Variants in OTOGL observed in about 807,000 individuals in gnomAD.
The protein encoded by OTOGL is otogelin like, also known as otogelin-like protein.
In OTOGL, 285 loss-of-function variants were observed where a neutral mutation model predicts 318.5. The observed-to-expected ratio is 0.89, with a 90% confidence interval of 0.81 to 0.99. The LOEUF is 0.99. OTOGL is among the 50% of genes least tolerant of loss of function. The probability of loss-of-function intolerance (pLI) is 0.00; values close to 1 mark genes in which losing one functional copy is unlikely to be tolerated. For missense variants in OTOGL, 2,899 were observed against 2,845.6 expected, an observed-to-expected ratio of 1.02 and a Z score of -0.43; for synonymous variants, 987 against 936.5, an observed-to-expected ratio of 1.05 and a Z score of -0.99.
chr12:80,225,801 A>AT (rs1459096934), intron 7 of OTOGL, among the ~76,000 whole-genome samples: 1 of 152,058 alleles, frequency 6.6e-6, no homozygotes, highest in Non-Finnish European at 1.5e-5. Context: ...GGAAATTTAG[A>AT]TTTTTTTAAA....
chr12:80,132,153 T>C (rs1592479172), intron 1 of OTOGL: 1 of 152,252 alleles, frequency 6.6e-6, no homozygotes, highest in Admixed American at 6.5e-5. Flanking sequence ...TGAGAAGTAC[T>C]GACCTACCTC....
chr12:80,266,500 C>T lies in OTOGL; in HGVS notation c.2274C>T (p.Cys758=). 1 of 1,613,542 alleles carries T rather than the reference C, an allele frequency of 6.2e-7. No homozygotes were observed. Among genetic ancestry groups the T allele is most frequent in the South Asian group, 1.1e-5 (1 of 91,062 alleles). Residue 758 remains cysteine (C), a synonymous_variant, in exon 21 of 59, where the codon TGC becomes TGT. Transcript: ENST00000547103. ...GMLYHHCSSF[C]LHSCISLSSP... ...TGTACCATCACTGTTCCTCGTTCTGCCTCCATTCCTGCATTTCTCTCTCTT... is the reference window on the plus strand; with the variant it reads ...TGTACCATCACTGTTCCTCGTTCTGTCTCCATTCCTGCATTTCTCTCTCTT...
chr12:80,320,926 T>C (rs1284808605), intron 34 of OTOGL, among the ~76,000 whole-genome samples: 1 of 152,166 alleles, frequency 6.6e-6, no homozygotes, highest in Non-Finnish European at 1.5e-5. Flanking sequence ...AATAAGTTGA[T>C]GTAAATTACT....
intron 4 of OTOGL, among the ~76,000 whole-genome samples, chr12:80,216,126 G>T (rs1207278153): frequency 6.6e-6 from 1 of 151,022 alleles, no homozygotes; most frequent in Non-Finnish European, 1.5e-5. Context: ...CCCAGCCCAG[G>T]AAACACAGCG....
chr12:80,355,368 G>T (rs1318621984), intron 46 of OTOGL, among the ~76,000 whole-genome samples: 2 of 151,326 alleles, frequency 1.3e-5, no homozygotes, highest in Admixed American at 1.3e-4. Context: ...GGGACTACAG[G>T]CATGCCACTA....
At chr12:80,120,178 G>A (rs527264381) in intron 1 of OTOGL, among the ~76,000 whole-genome samples, 17 of 151,968 alleles carry the variant, frequency 1.1e-4, no homozygotes, top group Middle Eastern at 6.8e-3. Context: ...GGGTAGCTGG[G>A]GTGATAGATT....
intron 35 of OTOGL, among the ~76,000 whole-genome samples, chr12:80,326,037 T>C (rs1201017377): frequency 2.6e-5 from 4 of 152,184 alleles, no homozygotes; most frequent in Non-Finnish European, 5.9e-5. Context: ...CTGATTCTCA[T>C]CTCTACCTCC....
chr12:80,379,286 A>G lies in OTOGL; in HGVS notation c.*1238A>G, dbSNP rs1214322143. The G allele has an allele frequency of 6.6e-6, 1 of 152,052 alleles. No individual in the cohort carries two copies. Among genetic ancestry groups the G allele is most frequent in the Admixed American group, 6.6e-5 (1 of 15,244 alleles). The allele number at this position is 152,052 out of a possible 1,614,324, so 9.4% of individuals were successfully genotyped here. A position where few individuals can be genotyped will look rare whatever the true frequency, so the allele number is the denominator to read the frequency against. ...TGAAGTCAAACATCAACAAAAGAAC[A>G]GTAAAGTCTCATTGCAAAGCAGATA... On this transcript the variant is annotated 3_prime_UTR_variant, in exon 59 of 59. Coordinates refer to ENST00000547103, the MANE Select transcript of OTOGL (RefSeq NM_001378609.3).
rs925083682 is a variant in OTOGL at position 80,358,781 on chromosome 12, T to C, written c.6226+6T>C. The C allele has an allele frequency of 5.7e-6, 9 of 1,590,974 alleles. No individual in the cohort carries two copies. Among genetic ancestry groups the C allele is most frequent in the Non-Finnish European group, 6.9e-6 (8 of 1,161,690 alleles). On this transcript the variant is annotated splice_donor_region_variant and intron_variant, in intron 51 of 58. Transcript: ENST00000547103. Reference sequence around the variant, plus strand: ...TTGCCCAACATGGCACTGTGGTAACTAATTTTCATATTTTAAGGTTTCATT... The same window carrying C: ...TTGCCCAACATGGCACTGTGGTAACCAATTTTCATATTTTAAGGTTTCATT...
intron 32 of OTOGL, among the ~76,000 whole-genome samples, chr12:80,314,933 T>G (rs2137808358): frequency 6.6e-6 from 1 of 152,280 alleles, no homozygotes; most frequent in South Asian, 2.1e-4. Flanking sequence ...ACAACACGGA[T>G]GAACCTAGAG....
intron 1 of OTOGL, among the ~76,000 whole-genome samples, chr12:80,142,664 A>G (rs1872031047): frequency 6.6e-6 from 1 of 152,038 alleles, no homozygotes; most frequent in Admixed American, 6.6e-5. Flanking sequence ...CATTCATTTG[A>G]CGGCCCCTTA....
intron 19 of OTOGL, among the ~76,000 whole-genome samples, chr12:80,263,482 T>C (rs1882707267): frequency 6.6e-6 from 1 of 152,148 alleles, no homozygotes; most frequent in Non-Finnish European, 1.5e-5. Flanking sequence ...ATCCCATGTC[T>C]TTTAAATATA....
intron 37 of OTOGL, among the ~76,000 whole-genome samples, chr12:80,330,473 A>G (rs1008653394): frequency 2.0e-5 from 3 of 152,184 alleles, no homozygotes; most frequent in African/African-American, 7.2e-5. Context: ...TCAATTTATA[A>G]GGGGAATAAG....
intron 1 of OTOGL, among the ~76,000 whole-genome samples, chr12:80,108,813 G>GTATATATAT (rs1565863173): frequency 2.2e-5 from 3 of 134,148 alleles, no homozygotes; most frequent in East Asian, 2.1e-4. Flanking sequence ...ATATATATAT[G>GTATATATAT]TGTATATATA....
At chr12:80,347,695 C>T (rs550108370) in intron 44 of OTOGL, among the ~76,000 whole-genome samples, 2 of 152,096 alleles carry the variant, frequency 1.3e-5, no homozygotes, top group African/African-American at 4.8e-5. Context: ...GAGGAATTGC[C>T]ACACTGTCTT....
At chr12:80,225,598 C>G (rs1878762056) in intron 7 of OTOGL, among the ~76,000 whole-genome samples, 2 of 152,170 alleles carry the variant, frequency 1.3e-5, no homozygotes, top group Non-Finnish European at 2.9e-5. Context: ...TCACCTATTT[C>G]CTTCTCAACA....
chr12:80,151,539 A>C (rs1872782924), intron 1 of OTOGL, among the ~76,000 whole-genome samples: 1 of 152,226 alleles, frequency 6.6e-6, no homozygotes, highest in Admixed American at 6.5e-5. Context: ...TTATCTGGAG[A>C]CATTAAAAGC....
chr12:80,128,998 G>A (rs1261245491), intron 1 of OTOGL, among the ~76,000 whole-genome samples: 1 of 152,156 alleles, frequency 6.6e-6, no homozygotes, highest in Non-Finnish European at 1.5e-5. Flanking sequence ...TGGGTGAGGT[G>A]ATGCCTCGCC....
chr12:80,122,591 A>G (rs952583348), intron 1 of OTOGL, among the ~76,000 whole-genome samples: 1 of 152,176 alleles, frequency 6.6e-6, no homozygotes. Flanking sequence ...TTTACTGACT[A>G]TGTTTATAGA....
Sources: gnomAD v4.1 joint callset for allele counts (sites outside exome capture counted in the v4.1 genomes callset) on GRCh38, gnomAD v4.1.1 for gene constraint, MANE v1.5 for transcripts, NCBI Gene and HGNC (gene_info 2026-07-23, HGNC 2026-07-21) for gene names.